Variants in TIAM1 observed in about 807,000 individuals in gnomAD.
TIAM1 encodes the protein TIAM Rac1 associated GEF 1, also known as rho guanine nucleotide exchange factor TIAM1.
A neutral mutation model predicts 163.5 loss-of-function variants in TIAM1; 65 were observed. The observed-to-expected ratio is 0.40, with a 90% CI of 0.33 to 0.49. TIAM1 has a LOEUF of 0.49. Ranked by LOEUF, TIAM1 falls within the 20% of genes least tolerant of loss-of-function variation. The pLI is 0.77. For synonymous variants in TIAM1, 833 were observed against 810.1 expected (o/e 1.03, Z -0.48); for missense variants, 1,789 against 2,044.7 (o/e 0.87, Z 2.41).
chr21:31,547,029 C>T (rs530467503), intron 1 of TIAM1, among the ~76,000 whole-genome samples: 1 of 152,262 alleles, frequency 6.6e-6, no homozygotes, highest in South Asian at 2.1e-4. Context: ...TTGCTAGTTG[C>T]TAGGAGGCTC....
At chr21:31,413,370 C>T (rs1300470977) in intron 2 of TIAM1, among the ~76,000 whole-genome samples, 1 of 148,752 alleles carries the variant, frequency 6.7e-6, no homozygotes, top group East Asian at 2.1e-4. Context: ...CCCGGGTTCA[C>T]GCCATTCTCC....
chr21:31,437,516 A>AAAAAAAAAAAG (rs553022193), intron 2 of TIAM1, among the ~76,000 whole-genome samples: 5 of 150,992 alleles, frequency 3.3e-5, no homozygotes, highest in African/African-American at 1.2e-4. Flanking sequence ...AAAAAAAAAA[A>AAAAAAAAAAAG]GCAACTACAT....
chr21:31,150,411 T>C (rs1156549247), intron 19 of TIAM1, among the ~76,000 whole-genome samples: 3 of 152,098 alleles, frequency 2.0e-5, no homozygotes. Flanking sequence ...GCAAAGTGTA[T>C]GGGGGCCTAT....
At chr21:31,387,195 CTTTT>C (rs60592178) in intron 2 of TIAM1, among the ~76,000 whole-genome samples, 65 of 75,160 alleles carry the variant, frequency 8.6e-4, no homozygotes, top group Non-Finnish European at 1.1e-3. Flanking sequence ...AGCTTATTCT[CTTTT>C]TTTTTTTTTT....
intron 2 of TIAM1, among the ~76,000 whole-genome samples, chr21:31,394,728 T>TCACACACACACACA (rs71318270): frequency 2.1e-5 from 2 of 95,704 alleles, no homozygotes; most frequent in East Asian, 3.0e-4. Flanking sequence ...TCTCTCTCTC[T>TCACACACACACACA]CACACACACA....
intron 1 of TIAM1, among the ~76,000 whole-genome samples, chr21:31,503,224 G>A (rs2046905858): frequency 6.6e-6 from 1 of 151,468 alleles, no homozygotes; most frequent in African/African-American, 2.4e-5. Flanking sequence ...GCAAAACCCC[G>A]TCTCTACTAA....
chr21:31,386,877 T>C (rs547969943), intron 2 of TIAM1, among the ~76,000 whole-genome samples: 40 of 152,332 alleles, frequency 2.6e-4, no homozygotes, highest in Non-Finnish European at 5.4e-4. Context: ...GAATGGATGC[T>C]GGGAGCTTAT....
In TIAM1 at chr21:31,278,668, T is replaced by C. The variant is rs577602147; in HGVS notation, c.-188-1760A>G. Among the ~76,000 whole-genome samples the C allele has an allele frequency of 4.6e-5, 7 of 152,356 alleles. No homozygotes were observed. The South Asian group carries it at 1.4e-3, about 32-fold the overall frequency. On this transcript the variant is annotated intron_variant, in intron 2 of 27. Coordinates refer to ENST00000541036, the MANE Select transcript of TIAM1 (RefSeq NM_001353694.2). ...ACAATAAGCAAAGACAGTTCTTCCT[T>C]ATCTTGGAAAATATGCTATTTAACC...
At chr21:31,271,482 C>T (rs2073053255) in intron 3 of TIAM1, among the ~76,000 whole-genome samples, 5 of 152,100 alleles carry the variant, frequency 3.3e-5, no homozygotes, top group Non-Finnish European at 1.5e-5. Flanking sequence ...TTACTCTGGA[C>T]CACTGGGTTG....
At chr21:31,504,986 C>G (rs1323481210) in intron 1 of TIAM1, among the ~76,000 whole-genome samples, 1 of 152,128 alleles carries the variant, frequency 6.6e-6, no homozygotes, top group Non-Finnish European at 1.5e-5. Flanking sequence ...TTGTTATTAG[C>G]CTCTGACAGT....
At chr21:31,438,459 T>C (rs889432700) in intron 2 of TIAM1, among the ~76,000 whole-genome samples, 2 of 152,066 alleles carry the variant, frequency 1.3e-5, no homozygotes, top group Non-Finnish European at 2.9e-5. Context: ...CCCAAAGTGA[T>C]GGGATTACAA....
intron 13 of TIAM1, among the ~76,000 whole-genome samples, chr21:31,190,995 G>A (rs886780014): frequency 5.9e-5 from 9 of 152,116 alleles, no homozygotes; most frequent in African/African-American, 1.7e-4. Flanking sequence ...GCTGAATTTC[G>A]ACTCTGCGGT....
chr21:31,213,938 C>T (rs1410252061), intron 9 of TIAM1, among the ~76,000 whole-genome samples: 4 of 150,942 alleles, frequency 2.7e-5, no homozygotes, highest in African/African-American at 9.8e-5. Context: ...GTCCCAGCTA[C>T]TCCTGAGGCT....
At chr21:31,474,051 G>A (rs1052163473) in intron 1 of TIAM1, among the ~76,000 whole-genome samples, 20 of 152,188 alleles carry the variant, frequency 1.3e-4, no homozygotes, top group Admixed American at 5.2e-4. Flanking sequence ...GTCACAAGGC[G>A]AGAGAGAGCG....
chr21:31,322,547 G>A (rs1338209447), intron 2 of TIAM1, among the ~76,000 whole-genome samples: 1 of 152,138 alleles, frequency 6.6e-6, no homozygotes, highest in Non-Finnish European at 1.5e-5. Context: ...GCCTGTGACA[G>A]CCCTGGCTTC....
chr21:31,134,294 T>C (rs2082532259), intron 23 of TIAM1, among the ~76,000 whole-genome samples: 1 of 152,054 alleles, frequency 6.6e-6, no homozygotes, highest in Non-Finnish European at 1.5e-5. Context: ...CTGCATCCCA[T>C]GAATGACCCA....
At chr21:31,506,937 C>T (rs941780568) in intron 1 of TIAM1, among the ~76,000 whole-genome samples, 2 of 152,070 alleles carry the variant, frequency 1.3e-5, no homozygotes, top group African/African-American at 4.8e-5. Context: ...ACAAAAAACT[C>T]CCTTCTTAAG....
intron 1 of TIAM1, among the ~76,000 whole-genome samples, chr21:31,546,982 G>A (rs1711958118): frequency 6.6e-6 from 1 of 151,948 alleles, no homozygotes; most frequent in South Asian, 2.1e-4. Context: ...CTCCTATGTT[G>A]TAATAAAGAT....
intron 8 of TIAM1, among the ~76,000 whole-genome samples, chr21:31,220,543 CCAGA>C (rs2087499753): frequency 6.6e-6 from 1 of 152,160 alleles, no homozygotes; most frequent in Non-Finnish European, 1.5e-5. Flanking sequence ...TTTACAATTT[CCAGA>C]CAAAGACAGC....
Sources: allele counts gnomAD v4.1 joint callset (sites outside exome capture counted in the v4.1 genomes callset), GRCh38; gene constraint gnomAD v4.1.1; transcripts MANE v1.5; gene names NCBI Gene and HGNC (gene_info 2026-07-23, HGNC 2026-07-21).